PTPRD: variants seen among roughly 807,000 people sequenced by gnomAD.
PTPRD encodes receptor-type tyrosine-protein phosphatase delta.
Under a neutral mutation model 214.5 loss-of-function variants are expected in PTPRD, and 34 were observed. The ratio of observed to expected loss-of-function variants is 0.16; its 90% CI spans 0.12 to 0.21. The LOEUF (loss-of-function observed/expected upper bound fraction) is 0.21, where lower values mean the gene tolerates loss of function less well. Ranked by LOEUF, PTPRD falls within the 10% of genes least tolerant of loss-of-function variation. The pLI, the probability that PTPRD is intolerant of heterozygous loss-of-function variation, is 1.00. For synonymous variants in PTPRD, 1,128 were observed against 845.7 expected (o/e 1.33, Z -5.79); for missense variants, 2,545 against 2,398.7 (o/e 1.06, Z -1.27).
chr9:9,883,513 T>C (rs1019545503), intron 5 of PTPRD, among the ~76,000 whole-genome samples: 1 of 152,146 alleles, frequency 6.6e-6, no homozygotes, highest in Admixed American at 6.6e-5. Flanking sequence ...ATGTTTCAGG[T>C]ACTTCCCGGT....
rs909312569 is a variant in PTPRD, at chr9:10,115,340, T to C, written c.-544-81550A>G. 4.6e-5 allele frequency among the ~76,000 whole-genome samples: 7 copies of C among 152,244 alleles called. No homozygotes were observed. The East Asian group carries it at 9.7e-4, about 21-fold the overall frequency. On this transcript the variant is annotated intron_variant, in intron 3 of 45. Transcript: ENST00000381196. The stretch of plus-strand genomic sequence containing the variant: ...AATTATAGAGAGTCATAATATGGAA[T>C]GTAAGGTATAGTGCATTCTGGCACA...
At chr9:10,272,857 T>C (rs2094494110) in intron 3 of PTPRD, among the ~76,000 whole-genome samples, 1 of 152,212 alleles carries the variant, frequency 6.6e-6, no homozygotes, top group African/African-American at 2.4e-5. Context: ...CATGTGTGAA[T>C]TTTTGAAGAC....
chr9:9,312,172 A>T (rs1385228182), intron 9 of PTPRD, among the ~76,000 whole-genome samples: 4 of 152,180 alleles, frequency 2.6e-5, no homozygotes, highest in Admixed American at 2.6e-4. Context: ...AAAATAGCTA[A>T]CTGAGATGTG....
intron 11 of PTPRD, among the ~76,000 whole-genome samples, chr9:8,807,616 G>C (rs2096713890): frequency 6.8e-6 from 1 of 148,046 alleles, no homozygotes; most frequent in Non-Finnish European, 1.5e-5. Context: ...TTTTTTTTAA[G>C]GATTTTGCTT....
chr9:9,078,896 G>C (rs1318233769), intron 10 of PTPRD, among the ~76,000 whole-genome samples: 3 of 152,008 alleles, frequency 2.0e-5, no homozygotes, highest in African/African-American at 4.8e-5. Flanking sequence ...TCAATATATA[G>C]TGATCAGATC....
At chr9:8,840,870 G>C (rs2097544814) in intron 11 of PTPRD, among the ~76,000 whole-genome samples, 1 of 152,112 alleles carries the variant, frequency 6.6e-6, no homozygotes, top group Non-Finnish European at 1.5e-5. Flanking sequence ...TACTGGCTCT[G>C]GTACTGCATC....
At chr9:9,212,163 C>T (rs186689742) in intron 9 of PTPRD, among the ~76,000 whole-genome samples, 55 of 152,200 alleles carry the variant, frequency 3.6e-4, no homozygotes, top group Non-Finnish European at 6.3e-4. Context: ...TGATATCCAT[C>T]ACTATTCATT....
intron 15 of PTPRD, chr9:8,528,305 C>T (rs2074747028): frequency 2.1e-6 from 1 of 469,072 alleles, no homozygotes; most frequent in Non-Finnish European, 3.7e-6. Context: ...CCATCAAATA[C>T]TGCGAAAAAG....
chr9:8,593,118 C>G (rs182407639), intron 14 of PTPRD, among the ~76,000 whole-genome samples: 13 of 152,130 alleles, frequency 8.5e-5, no homozygotes, highest in African/African-American at 2.9e-4. Flanking sequence ...ATGAGGACTT[C>G]TTTGGAAAGT....
intron 8 of PTPRD, among the ~76,000 whole-genome samples, chr9:9,449,258 T>C (rs951838036): frequency 1.3e-5 from 2 of 152,090 alleles, no homozygotes; most frequent in Non-Finnish European, 1.5e-5. Flanking sequence ...TTTTGAGTTG[T>C]GCTGATGTGT....
chr9:9,959,297 G>A (rs183896804), intron 4 of PTPRD, among the ~76,000 whole-genome samples: 3 of 152,276 alleles, frequency 2.0e-5, no homozygotes, highest in Admixed American at 2.0e-4. Flanking sequence ...GGCAAAACTT[G>A]TAGAAATAGT....
rs56040812 is a variant in PTPRD at position 10,016,393 on chromosome 9, A to ATAGATAGATAGATAGATAGG, written c.-472+17324_-472+17325insCCTATCTATCTATCTATCTA. On this transcript the variant is annotated intron_variant, in intron 4 of 45. Coordinates refer to ENST00000381196, the MANE Select transcript of PTPRD (RefSeq NM_002839.4). ...GATAGATAGATAGATAGATAGATAGATAGACAGATAGATAGGGAAATTCTT... is the reference window on the plus strand; with the variant it reads ...GATAGATAGATAGATAGATAGATAGATAGATAGATAGATAGATAGGTAGACAGATAGATAGGGAAATTCTT... Among the ~76,000 whole-genome samples the ATAGATAGATAGATAGATAGG allele has an allele frequency of 3.5e-3, 531 of 150,008 alleles. 2 individuals are homozygous for ATAGATAGATAGATAGATAGG. Among genetic ancestry groups the ATAGATAGATAGATAGATAGG allele is most frequent in the Middle Eastern group, 6.8e-3 (2 of 294 alleles).
intron 10 of PTPRD, among the ~76,000 whole-genome samples, chr9:9,064,065 C>T (rs2099717178): frequency 6.6e-6 from 1 of 152,046 alleles, no homozygotes; most frequent in Non-Finnish European, 1.5e-5. Context: ...TAATCAGTTT[C>T]ATATTGTGCT....
intron 7 of PTPRD, among the ~76,000 whole-genome samples, chr9:9,697,164 T>G (rs931657986): frequency 2.6e-5 from 4 of 152,114 alleles, no homozygotes; most frequent in Admixed American, 1.3e-4. Flanking sequence ...AGCTATTTTT[T>G]TGATAGATTG....
chr9:9,572,224 C>T (rs980650328), intron 8 of PTPRD, among the ~76,000 whole-genome samples: 1 of 151,116 alleles, frequency 6.6e-6, no homozygotes, highest in Non-Finnish European at 1.5e-5. Flanking sequence ...AAAAATAAAG[C>T]CATTATTTTT....
chr9:10,073,482 A>C (rs1369925847), intron 3 of PTPRD, among the ~76,000 whole-genome samples: 6 of 152,292 alleles, frequency 3.9e-5, no homozygotes, highest in African/African-American at 1.4e-4. Flanking sequence ...GTGATAGTAG[A>C]ATAAAGAAAT....
At chr9:9,578,260 T>C (rs769664686) in intron 7 of PTPRD, among the ~76,000 whole-genome samples, 10 of 152,214 alleles carry the variant, frequency 6.6e-5, no homozygotes, top group Middle Eastern at 3.4e-3. Context: ...TTCAAATTAC[T>C]ACAGAAATCT....
At chr9:10,101,864 T>G (rs538114698) in intron 3 of PTPRD, among the ~76,000 whole-genome samples, 1 of 151,770 alleles carries the variant, frequency 6.6e-6, no homozygotes, top group South Asian at 2.1e-4. Flanking sequence ...CTGGGGACAG[T>G]GCTGAGTGAC....
intron 44 of PTPRD, among the ~76,000 whole-genome samples, chr9:8,321,111 G>A (rs907143560): frequency 3.3e-5 from 5 of 152,032 alleles, no homozygotes; most frequent in African/African-American, 7.2e-5. Flanking sequence ...GATGTCTAGC[G>A]GCAGTGAAAC....
Sources: gnomAD v4.1 joint callset for allele counts (sites outside exome capture counted in the v4.1 genomes callset) on GRCh38, gnomAD v4.1.1 for gene constraint, MANE v1.5 for transcripts, NCBI Gene and HGNC (gene_info 2026-07-23, HGNC 2026-07-21) for gene names.